Variants in SENP2 observed in about 807,000 individuals in gnomAD.
SENP2 encodes the protein SUMO specific peptidase 2.
A neutral mutation model predicts 86.3 loss-of-function variants in SENP2; 16 were observed. The ratio of observed to expected loss-of-function variants is 0.19; its 90% CI spans 0.13 to 0.28. The LOEUF (loss-of-function observed/expected upper bound fraction) is 0.28, where lower values mean the gene tolerates loss of function less well. SENP2 is among the 10% of genes least tolerant of loss of function. SENP2 has a pLI of 1.00. For synonymous variants in SENP2, 222 were observed against 238.7 expected, an observed-to-expected ratio of 0.93 and a Z score of 0.64; for missense variants, 552 against 703.0, an observed-to-expected ratio of 0.79 and a Z score of 2.43.
intron 2 of SENP2, among the ~76,000 whole-genome samples, chr3:185,593,098 A>G (rs1302101386): frequency 1.3e-5 from 2 of 152,332 alleles, no homozygotes; most frequent in South Asian, 2.1e-4. Flanking sequence ...ATGAGTTAGT[A>G]TGTTAGCCCA....
Position 185,587,732 on chromosome 3 carries a change from AT to A in SENP2, c.101+1238del, listed in dbSNP as rs59565990. On this transcript the variant is annotated intron_variant, in intron 1 of 16. Transcript: ENST00000296257. ...CAGGCGCCCGCCACCATGCCCGGCTATTTTTTTTTTTTTTTTTTTTGAGACA... is the reference window on the plus strand; with the variant it reads ...CAGGCGCCCGCCACCATGCCCGGCTATTTTTTTTTTTTTTTTTTTGAGACA... Among the ~76,000 whole-genome samples, 168 of 73,014 alleles carry A rather than the reference AT, an allele frequency of 2.3e-3. 1 individual carries two copies. Among genetic ancestry groups the A allele is most frequent in the East Asian group, 0.011 (31 of 2,754 alleles). 47.9% of individuals were successfully genotyped at this position (73,014 alleles called of 152,430 possible).
chr3:185,594,272 A>G (rs1052091816), intron 2 of SENP2, among the ~76,000 whole-genome samples: 4 of 152,108 alleles, frequency 2.6e-5, no homozygotes, highest in African/African-American at 9.7e-5. Flanking sequence ...CACTTATTGC[A>G]TCATTCCCAT....
chr3:185,612,425 A>G, intron 8 of SENP2, 182 bp from the exon 9 acceptor site: 1 of 524,608 alleles, frequency 1.9e-6, no homozygotes, highest in Non-Finnish European at 3.5e-6. Context: ...TTAAACAGCA[A>G]AGATATGTAT....
intron 5 of SENP2, among the ~76,000 whole-genome samples, chr3:185,602,379 C>T (rs145392390): frequency 5.3e-4 from 80 of 152,186 alleles, no homozygotes; most frequent in African/African-American, 1.8e-3. Context: ...GCCACCCTGA[C>T]AGAGGAGGAG....
intron 11 of SENP2, among the ~76,000 whole-genome samples, chr3:185,616,014 C>T (rs1357276358): frequency 6.6e-6 from 1 of 151,826 alleles, no homozygotes; most frequent in African/African-American, 2.4e-5. Flanking sequence ...AGGCGCGTGC[C>T]ACCACGCCCA....
At chr3:185,606,765 G>A (rs900845626) in intron 6 of SENP2, 46 of 511,686 alleles carry the variant, frequency 9.0e-5, no homozygotes, top group Non-Finnish European at 1.2e-4. Flanking sequence ...GGCCTATAGC[G>A]GCCACGTGTG....
At chr3:185,623,172 A>C (rs1455273807) in intron 14 of SENP2, among the ~76,000 whole-genome samples, 1 of 149,540 alleles carries the variant, frequency 6.7e-6, no homozygotes, top group Non-Finnish European at 1.5e-5. Flanking sequence ...ATGGAGTTTC[A>C]CTCTTGCTGC....
intron 16 of SENP2, 65 bp downstream of exon 16, chr3:185,626,458 C>CTTATCT: frequency 9.2e-7 from 1 of 1,086,264 alleles, no homozygotes; most frequent in Non-Finnish European, 1.4e-6. Context: ...TGGCCAGTGC[C>CTTATCT]TGGCACACAT....
rs1055751448 is a variant in SENP2, at chr3:185,631,241, C to G, written c.*1397C>G. On this transcript the variant is annotated 3_prime_UTR_variant, in exon 17 of 17. Transcript: ENST00000296257. ...TACACGCCTGCCATTTGCAGTGCTC[C>G]GGCTGCTGGTCCCAGAGGTATACTG... 1 of 152,032 alleles carries G rather than the reference C, an allele frequency of 6.6e-6. No homozygotes were observed. The highest frequency in any genetic ancestry group is 6.6e-5 in the Admixed American group (1 of 15,262). 9.4% of individuals were successfully genotyped at this position (152,032 alleles called of 1,614,324 possible). A position where few individuals can be genotyped will look rare whatever the true frequency, so the allele number is the denominator to read the frequency against.
intron 14 of SENP2, among the ~76,000 whole-genome samples, chr3:185,622,371 T>C (rs970291713): frequency 6.6e-6 from 1 of 152,188 alleles, no homozygotes; most frequent in African/African-American, 2.4e-5. Context: ...GCATACCTAC[T>C]TCTTAGCTAG....
intron 13 of SENP2, among the ~76,000 whole-genome samples, chr3:185,620,035 TTTTTTC>T (rs1465335979): frequency 4.0e-5 from 6 of 151,478 alleles, no homozygotes; most frequent in Non-Finnish European, 5.9e-5. Flanking sequence ...TGCCTGGCCT[TTTTTTC>T]TTTTTCTTTT....
chr3:185,625,449 T>C (rs979775502), intron 15 of SENP2, among the ~76,000 whole-genome samples: 4 of 151,964 alleles, frequency 2.6e-5, no homozygotes, highest in African/African-American at 9.7e-5. Context: ...ACTTCATTTC[T>C]TTGAGTAAAA....
rs994136536 is a variant in SENP2 at position 185,592,912 on chromosome 3, C to T, written c.157+2743C>T. 7.9e-5 allele frequency among the ~76,000 whole-genome samples: 12 copies of T among 152,220 alleles called. No homozygotes were observed. The South Asian group carries it at 1.7e-3, about 21-fold the overall frequency. On this transcript the variant is annotated intron_variant, in intron 2 of 16. Transcript: ENST00000296257. ...AATTACAGGCGTGAGCCACCGTGCC[C>T]GGCCTGGGTCTCCATTTTTAAGGAC...
intron 5 of SENP2, among the ~76,000 whole-genome samples, chr3:185,604,053 G>A (rs62289068): frequency 4.1e-4 from 62 of 152,132 alleles, no homozygotes; most frequent in Non-Finnish European, 2.9e-4. Context: ...CCCGGAAGGC[G>A]GAGGTTGTAA....
chr3:185,611,557 C>A, intron 7 of SENP2, 94 bp from the exon 8 acceptor site: 1 of 708,924 alleles, frequency 1.4e-6, no homozygotes, highest in Non-Finnish European at 2.5e-6. Flanking sequence ...AATCAATCAC[C>A]CCTATTTGGA....
chr3:185,596,620 CAA>C (rs62894960), intron 2 of SENP2, among the ~76,000 whole-genome samples: 84 of 119,660 alleles, frequency 7.0e-4, no homozygotes, highest in Non-Finnish European at 7.5e-4. Context: ...GACCCTGTCT[CAA>C]AAAAAAAAAA....
At chr3:185,594,835 T>C (rs1172122370) in intron 2 of SENP2, among the ~76,000 whole-genome samples, 2 of 152,070 alleles carry the variant, frequency 1.3e-5, no homozygotes, top group Non-Finnish European at 2.9e-5. Flanking sequence ...GCCAGGCTGG[T>C]CTCGAACTCC....
chr3:185,621,454 A>G (rs1711886507), intron 13 of SENP2, among the ~76,000 whole-genome samples: 2 of 144,284 alleles, frequency 1.4e-5, no homozygotes, highest in African/African-American at 5.2e-5. Context: ...CAGTGACACA[A>G]TCTCGGCTCA....
chr3:185,594,104 T>A (rs909897180), intron 2 of SENP2, among the ~76,000 whole-genome samples: 14 of 151,716 alleles, frequency 9.2e-5, no homozygotes, highest in Admixed American at 6.6e-5. Flanking sequence ...CTTTTTTTTT[T>A]AAGCCAAAAA....
Sources: allele counts gnomAD v4.1 joint callset (sites outside exome capture counted in the v4.1 genomes callset), GRCh38; gene constraint gnomAD v4.1.1; transcripts MANE v1.5; gene names NCBI Gene and HGNC (gene_info 2026-07-23, HGNC 2026-07-21).